Variants in GSK3B observed in about 807,000 individuals in gnomAD.
GSK3B encodes glycogen synthase kinase-3 beta.
A neutral mutation model predicts 56.4 loss-of-function variants in GSK3B; 15 were observed. The ratio of observed to expected loss-of-function variants is 0.27; its 90% CI spans 0.18 to 0.41. The LOEUF (loss-of-function observed/expected upper bound fraction) is 0.41. Among genes scored for constraint, GSK3B ranks in the 10% least tolerant of loss-of-function variants. The pLI, the probability that GSK3B is intolerant of heterozygous loss-of-function variation, is 1.00. For synonymous variants in GSK3B, 181 were observed against 188.9 expected, an observed-to-expected ratio of 0.96 and a Z score of 0.34; for missense variants, 300 against 513.4, an observed-to-expected ratio of 0.58 and a Z score of 4.02.
chr3:119,932,232 C>G (rs1309840922), intron 3 of GSK3B, among the ~76,000 whole-genome samples: 1 of 152,214 alleles, frequency 6.6e-6, no homozygotes, highest in East Asian at 1.9e-4. Flanking sequence ...TCACAGTAAC[C>G]CAGGATTCTC....
chr3:120,049,468 A>G (rs1408743139), intron 1 of GSK3B, among the ~76,000 whole-genome samples: 8 of 152,230 alleles, frequency 5.3e-5, no homozygotes, highest in Non-Finnish European at 1.2e-4. Flanking sequence ...GGAAGGTAGC[A>G]TCTGTATTAG....
intron 8 of GSK3B, chr3:119,866,467 GCTA>G (rs1416793465): frequency 2.7e-6 from 2 of 740,190 alleles, no homozygotes; most frequent in African/African-American, 3.6e-5. Flanking sequence ...AGAAATCACA[GCTA>G]CTTACATTGT....
At chr3:119,908,696 G>C (rs895278385) in intron 6 of GSK3B, among the ~76,000 whole-genome samples, 3 of 152,186 alleles carry the variant, frequency 2.0e-5, no homozygotes, top group African/African-American at 7.2e-5. Context: ...TGGTAAAGCA[G>C]ATGTCAAAGT....
At chr3:120,045,217 T>G (rs900941996) in intron 1 of GSK3B, among the ~76,000 whole-genome samples, 2 of 152,196 alleles carry the variant, frequency 1.3e-5, no homozygotes, top group Non-Finnish European at 2.9e-5. Flanking sequence ...GAGAAAAGAT[T>G]ATAAAAATTA....
At chr3:119,959,365 C>A (rs1359190360) in intron 2 of GSK3B, among the ~76,000 whole-genome samples, 3 of 152,106 alleles carry the variant, frequency 2.0e-5, no homozygotes, top group Admixed American at 1.3e-4. Flanking sequence ...TATACATCAA[C>A]TTGACATGTT....
chr3:120,000,521 ACTT>A (rs1310713486), intron 2 of GSK3B, among the ~76,000 whole-genome samples: 1 of 152,162 alleles, frequency 6.6e-6, no homozygotes, highest in African/African-American at 2.4e-5. Context: ...AACAGTGATC[ACTT>A]CTTCTTGTTA....
At chr3:119,964,220 C>T (rs1177270689) in intron 2 of GSK3B, among the ~76,000 whole-genome samples, 3 of 152,120 alleles carry the variant, frequency 2.0e-5, no homozygotes, top group East Asian at 1.9e-4. Context: ...GACATACATA[C>T]GACCAACAGG....
At chr3:120,060,416 G>C (rs998211327) in intron 1 of GSK3B, among the ~76,000 whole-genome samples, 1 of 152,130 alleles carries the variant, frequency 6.6e-6, no homozygotes, top group Non-Finnish European at 1.5e-5. Context: ...TTCAATTCTT[G>C]AAAAGGGTAG....
At chr3:119,973,512 T>C (rs1329283774) in intron 2 of GSK3B, among the ~76,000 whole-genome samples, 1 of 152,170 alleles carries the variant, frequency 6.6e-6, no homozygotes, top group South Asian at 2.1e-4. Context: ...GGCATATGGT[T>C]AGAAGGTCAG....
intron 1 of GSK3B, among the ~76,000 whole-genome samples, chr3:120,068,390 CAA>C (rs66541739): frequency 6.2e-4 from 32 of 51,568 alleles, no homozygotes; most frequent in Non-Finnish European, 8.6e-4. Context: ...GACTCCGTCT[CAA>C]AAAAAAAAAA....
chr3:120,053,203 G>A (rs906505542), intron 1 of GSK3B, among the ~76,000 whole-genome samples: 3 of 152,132 alleles, frequency 2.0e-5, no homozygotes, highest in African/African-American at 7.2e-5. Context: ...CGGGTGTGTT[G>A]GCGGGAGCCT....
chr3:119,882,982 T>A (rs577360256), intron 7 of GSK3B, among the ~76,000 whole-genome samples: 1 of 152,290 alleles, frequency 6.6e-6, no homozygotes, highest in Admixed American at 6.5e-5. Flanking sequence ...GTGTATTCAC[T>A]ATAAATTATT....
Position 119,940,907 on chromosome 3 carries a change from G to C in GSK3B, c.366+6361C>G, listed in dbSNP as rs1032016799. Among the ~76,000 whole-genome samples, 5 of 152,000 alleles carry C rather than the reference G, an allele frequency of 3.3e-5. No individual in the cohort carries two copies. The East Asian group carries it at 9.6e-4, about 29-fold the overall frequency. On this transcript the variant is annotated intron_variant, in intron 3 of 10. Transcript: ENST00000264235. ...TAGAACCGTTGTGAAGATTAAATGAGTAAATATAAGTAATGTGTTTAGATT... is the reference window on the plus strand; with the variant it reads ...TAGAACCGTTGTGAAGATTAAATGACTAAATATAAGTAATGTGTTTAGATT...
chr3:119,845,493 A>T (rs188715133), intron 9 of GSK3B, among the ~76,000 whole-genome samples: 1 of 152,362 alleles, frequency 6.6e-6, no homozygotes, highest in East Asian at 1.9e-4. Context: ...CAATCTCAAA[A>T]ATCACAAACA....
chr3:119,891,735 T>G (rs1172945459), intron 7 of GSK3B, among the ~76,000 whole-genome samples: 1 of 152,164 alleles, frequency 6.6e-6, no homozygotes, highest in Non-Finnish European at 1.5e-5. Flanking sequence ...AAATGCTTTA[T>G]GCACTCTTCT....
chr3:120,078,534 G>C (rs1024638186), intron 1 of GSK3B, among the ~76,000 whole-genome samples: 1 of 149,196 alleles, frequency 6.7e-6, no homozygotes, highest in East Asian at 2.0e-4. Context: ...TATCATACTA[G>C]AACTTCTCCT....
chr3:120,011,220 T>G (rs778092549), intron 1 of GSK3B, among the ~76,000 whole-genome samples: 16 of 152,234 alleles, frequency 1.1e-4, no homozygotes, highest in Non-Finnish European at 2.2e-4. Flanking sequence ...CCTTTGTATT[T>G]TCCTTGCTCT....
chr3:119,951,977 T>TG (rs977998482), intron 2 of GSK3B, among the ~76,000 whole-genome samples: 11 of 142,598 alleles, frequency 7.7e-5, no homozygotes, highest in African/African-American at 2.8e-4. Context: ...CCAGTGAACT[T>TG]GAAGAAATAG....
intron 2 of GSK3B, among the ~76,000 whole-genome samples, chr3:119,997,788 T>C (rs1399112814): frequency 1.3e-5 from 2 of 152,200 alleles, no homozygotes; most frequent in Admixed American, 6.5e-5. Context: ...GAAAATCCAA[T>C]GTATATATGG....
Sources: allele counts gnomAD v4.1 joint callset (sites outside exome capture counted in the v4.1 genomes callset), GRCh38; gene constraint gnomAD v4.1.1; transcripts MANE v1.5; gene names NCBI Gene and HGNC (gene_info 2026-07-23, HGNC 2026-07-21).